COLQ: variants seen among roughly 807,000 people sequenced by gnomAD.
COLQ encodes the protein acetylcholinesterase collagenic tail peptide.
In COLQ, 48 loss-of-function variants were observed where a neutral mutation model predicts 69.0. The ratio of observed to expected loss-of-function variants is 0.70; its 90% CI spans 0.55 to 0.88. COLQ has a LOEUF of 0.88. COLQ is among the 40% of genes least tolerant of loss of function. The pLI is 0.00. For missense variants in COLQ, 618 were observed against 594.6 expected (o/e 1.04, Z -0.41); for synonymous variants, 217 against 211.2 (o/e 1.03, Z -0.24).
At chr3:15,492,194 C>G (rs1258930317) in intron 1 of COLQ, among the ~76,000 whole-genome samples, 1 of 152,136 alleles carries the variant, frequency 6.6e-6, no homozygotes, top group South Asian at 2.1e-4. Context: ...AATGCAACAG[C>G]TCAAATAAAG....
Position 15,451,560 on chromosome 3 carries a change from G to A in COLQ, c.*84C>T, listed in dbSNP as rs1456613626. On this transcript the variant is annotated 3_prime_UTR_variant, in exon 17 of 17. Transcript: ENST00000383788. ...TTGTCACACAAAGGTTGGTGGAGAC[G>A]GGGCCAGGACATGGCCAGTTTGATG... The A allele has an allele frequency of 3.1e-6, 4 of 1,272,770 alleles. No individual in the cohort carries two copies. Among genetic ancestry groups the A allele is most frequent in the East Asian group, 4.6e-5 (2 of 43,314 alleles). The allele number at this position is 1,272,770 out of a possible 1,614,324, so 78.8% of individuals were successfully genotyped here. A position where few individuals can be genotyped will look rare whatever the true frequency, so the allele number is the denominator to read the frequency against.
At chr3:15,467,843 G>A (rs1239994026) in intron 11 of COLQ, 1 of 456,664 alleles carries the variant, frequency 2.2e-6, no homozygotes, top group South Asian at 1.5e-5. Context: ...ACGGTGACAG[G>A]TGACCGGCTG....
rs756975517 is a variant in COLQ, at chr3:15,466,446, G to A, written c.718-9C>T. The A allele has an allele frequency of 1.2e-6, 2 of 1,605,048 alleles. No individual in the cohort carries two copies. The highest frequency in any genetic ancestry group is 1.7e-4 in the Middle Eastern group (1 of 6,046). Reference sequence around the variant, plus strand: ...CTATCCCCTTTCTGTCCCTGACAGAGAGAAAGGCAGAGCCTGTTATGAAAG... The same window carrying A: ...CTATCCCCTTTCTGTCCCTGACAGAAAGAAAGGCAGAGCCTGTTATGAAAG... On this transcript the variant is annotated splice_polypyrimidine_tract_variant and intron_variant, in intron 11 of 16. Transcript: ENST00000383788.
At chr3:15,484,900 A>C (rs1361736447) in intron 3 of COLQ, among the ~76,000 whole-genome samples, 2 of 152,208 alleles carry the variant, frequency 1.3e-5, no homozygotes, top group African/African-American at 4.8e-5. Flanking sequence ...CTCTCAACTC[A>C]TCAAAGTCAT....
intron 1 of COLQ, among the ~76,000 whole-genome samples, chr3:15,514,344 G>A (rs2063027433): frequency 6.6e-6 from 1 of 152,036 alleles, no homozygotes. Flanking sequence ...CCTCACATTA[G>A]AAGTACTAAA....
intron 1 of COLQ, among the ~76,000 whole-genome samples, chr3:15,494,606 C>T (rs2062718687): frequency 6.6e-6 from 1 of 152,082 alleles, no homozygotes; most frequent in African/African-American, 2.4e-5. Flanking sequence ...GCTTGTACCC[C>T]ACTCCCTGCC....
chr3:15,499,990 T>C (rs1158526310), intron 1 of COLQ, among the ~76,000 whole-genome samples: 5 of 152,160 alleles, frequency 3.3e-5, no homozygotes, highest in African/African-American at 1.2e-4. Context: ...TGGATAACTG[T>C]TGTATAAGGT....
chr3:15,497,484 T>G (rs2062762535), intron 1 of COLQ, among the ~76,000 whole-genome samples: 2 of 152,160 alleles, frequency 1.3e-5, no homozygotes, highest in African/African-American at 4.8e-5. Flanking sequence ...TTCCATCAAG[T>G]AGCCTTCCCT....
Position 15,475,301 on chromosome 3 carries a change from C to T in COLQ, c.528+124G>A, listed in dbSNP as rs1012375563. 88 of 978,916 alleles carry T rather than the reference C, an allele frequency of 9.0e-5. No homozygotes were observed. In the Admixed American group the frequency reaches 1.8e-3, roughly 19 times the overall value. 60.6% of individuals were successfully genotyped at this position (978,916 alleles called of 1,614,324 possible). A position where few individuals can be genotyped will look rare whatever the true frequency, so the allele number is the denominator to read the frequency against. The stretch of plus-strand genomic sequence containing the variant: ...TCCAAAGGGCTGGTAAAGGCAGGCT[C>T]TCCAATATCCGCGACATTCCCTAGT... On this transcript the variant is annotated intron_variant, in intron 7 of 16. Transcript: ENST00000383788.
chr3:15,514,162 G>C (rs933052632), intron 1 of COLQ, among the ~76,000 whole-genome samples: 2 of 152,140 alleles, frequency 1.3e-5, no homozygotes, highest in African/African-American at 4.8e-5. Context: ...GCGACACCTT[G>C]ATTTCAGACT....
intron 12 of COLQ, among the ~76,000 whole-genome samples, chr3:15,465,152 C>T (rs373127011): frequency 9.5e-5 from 10 of 105,396 alleles, no homozygotes; most frequent in Admixed American, 6.0e-4. Flanking sequence ...CCAACCTGGG[C>T]GACAGAGCAA....
chr3:15,488,390 G>A (rs1261163419), intron 2 of COLQ, 83 bp from the exon 3 acceptor site: 30 of 1,142,416 alleles, frequency 2.6e-5, no homozygotes, highest in Admixed American at 3.8e-5. Context: ...GACCTGCTCC[G>A]GGATCAGGTC....
At position 15,451,218 on chromosome 3, in the gene COLQ, C is replaced by A. The variant is rs763440701; in HGVS notation, c.*426G>T. ...CCCAGTGTGAGTGAGAATGCCTGCA[C>A]GTTTCGGTGGTCAGGGGCGGAGAGG... On this transcript the variant is annotated 3_prime_UTR_variant, in exon 17 of 17. Transcript: ENST00000383788. The A allele has an allele frequency of 3.8e-6, 1 of 262,448 alleles. No homozygotes were observed. Among genetic ancestry groups the A allele is most frequent in the African/African-American group, 2.2e-5 (1 of 45,792 alleles). 16.3% of individuals were successfully genotyped at this position (262,448 alleles called of 1,614,324 possible). A position where few individuals can be genotyped will look rare whatever the true frequency, so the allele number is the denominator to read the frequency against.
intron 3 of COLQ, among the ~76,000 whole-genome samples, chr3:15,487,476 A>C (rs967663702): frequency 1.3e-5 from 2 of 152,202 alleles, no homozygotes; most frequent in African/African-American, 2.4e-5. Context: ...TCAAGTGTCC[A>C]GAAGCCACAG....
At chr3:15,461,697 G>A (rs1267491215) in intron 12 of COLQ, among the ~76,000 whole-genome samples, 1 of 152,134 alleles carries the variant, frequency 6.6e-6, no homozygotes, top group South Asian at 2.1e-4. Flanking sequence ...TGACCTTGCA[G>A]GCATCACTTC....
At chr3:15,497,091 T>G (rs1250622069) in intron 1 of COLQ, among the ~76,000 whole-genome samples, 1 of 146,330 alleles carries the variant, frequency 6.8e-6, no homozygotes, top group Non-Finnish European at 1.5e-5. Flanking sequence ...TTGCCCAGGC[T>G]GGAGTGCAGT....
intron 1 of COLQ, among the ~76,000 whole-genome samples, chr3:15,511,598 G>C (rs2062985789): frequency 6.6e-6 from 1 of 152,160 alleles, no homozygotes; most frequent in Admixed American, 6.5e-5. Flanking sequence ...AGAGACAGGG[G>C]ACTCCTGTGT....
intron 1 of COLQ, among the ~76,000 whole-genome samples, chr3:15,511,936 C>G (rs1217392196): frequency 1.3e-5 from 2 of 152,188 alleles, no homozygotes; most frequent in Non-Finnish European, 2.9e-5. Context: ...TGGAACAAAC[C>G]CGGAATCCTA....
chr3:15,494,574 T>C (rs2062718135), intron 1 of COLQ, among the ~76,000 whole-genome samples: 1 of 152,108 alleles, frequency 6.6e-6, no homozygotes, highest in African/African-American at 2.4e-5. Context: ...TTGGAAAGGC[T>C]TGCAGAGCTC....
Sources: gnomAD v4.1 joint callset for allele counts (sites outside exome capture counted in the v4.1 genomes callset) on GRCh38, gnomAD v4.1.1 for gene constraint, MANE v1.5 for transcripts, NCBI Gene and HGNC (gene_info 2026-07-23, HGNC 2026-07-21) for gene names.